KIZ: variants seen among roughly 807,000 people sequenced by gnomAD.
KIZ encodes the protein centrosomal protein kizuna.
KIZ carries 68 observed loss-of-function variants against 79.6 expected under a neutral mutation model. That is an observed-to-expected ratio of 0.85 (90% CI 0.70 to 1.05). KIZ has a LOEUF of 1.05. KIZ is among the 50% of genes least tolerant of loss of function. KIZ has a pLI of 0.00. For missense variants in KIZ, 797 were observed against 800.4 expected, an observed-to-expected ratio of 1.00 and a Z score of 0.05; for synonymous variants, 280 against 281.8, an observed-to-expected ratio of 0.99 and a Z score of 0.06.
chr20:21,214,371 G>C (rs1330570452), intron 7 of KIZ, among the ~76,000 whole-genome samples, 164 bp from the exon 8 acceptor site: 1 of 152,044 alleles, frequency 6.6e-6, no homozygotes, highest in Admixed American at 6.6e-5. Context: ...AAAATAACCA[G>C]GTGTTTTTTT....
At position 21,132,125 on chromosome 20, in the gene KIZ, A is replaced by G; in HGVS notation, c.118A>G (p.Lys40Glu). Residue 40 changes from lysine to glutamate, a missense_variant, in exon 2 of 13, where the codon AAA (lysine) becomes GAA (glutamate). Lys to Glu is a moderately conservative substitution (Grantham distance 56). Coordinates refer to ENST00000619189, the MANE Select transcript of KIZ (RefSeq NM_018474.6). ...AAAGAAGAGATTGGACCTGGAAAAG[A>G]AACTTTATGAATATAATCAGTCTGA... ...SEKKRLDLEKKLYEYNQSDTC... is the reference protein window; with the variant it reads ...SEKKRLDLEKELYEYNQSDTC... 4 of 1,464,290 alleles carry G rather than the reference A, an allele frequency of 2.7e-6. No homozygotes were observed. The highest frequency in any genetic ancestry group is 3.7e-6 in the Non-Finnish European group (4 of 1,072,530). The allele number at this position is 1,464,290 out of a possible 1,614,324, so 90.7% of individuals were successfully genotyped here.
chr20:21,144,350 G>A (rs2032734052), intron 3 of KIZ, among the ~76,000 whole-genome samples: 1 of 152,092 alleles, frequency 6.6e-6, no homozygotes, highest in Non-Finnish European at 1.5e-5. Flanking sequence ...TTCTTTTTGA[G>A]ATACTATCCC....
chr20:21,136,344 C>T (rs981610889), intron 2 of KIZ, 46 bp from the exon 3 acceptor site: 2 of 1,064,230 alleles, frequency 1.9e-6, no homozygotes, highest in African/African-American at 1.6e-5. Context: ...TTCTTAGATT[C>T]GTCCAAGTCT....
chr20:21,240,702 A>G (rs115562690), intron 11 of KIZ, among the ~76,000 whole-genome samples: 1,504 of 101,246 alleles, frequency 0.015, 33 homozygotes, highest in African/African-American at 0.039. Flanking sequence ...CCACTGCCTC[A>G]GTCCATACGG....
chr20:21,207,653 C>T (rs964898609), intron 7 of KIZ, among the ~76,000 whole-genome samples: 4 of 151,920 alleles, frequency 2.6e-5, no homozygotes, highest in East Asian at 3.9e-4. Flanking sequence ...TTTCATGCCC[C>T]TTTTCAAAGA....
chr20:21,161,744 A>T, intron 4 of KIZ, 127 bp from the exon 5 acceptor site: 2 of 623,022 alleles, frequency 3.2e-6, no homozygotes, highest in East Asian at 2.7e-5. Flanking sequence ...GTTTAATAAT[A>T]CATGGTAGGT....
chr20:21,144,903 A>G (rs954012513), intron 3 of KIZ, among the ~76,000 whole-genome samples: 3 of 152,132 alleles, frequency 2.0e-5, no homozygotes, highest in African/African-American at 7.2e-5. Flanking sequence ...GTGCTTTTTT[A>G]TGCCTTGCTT....
At chr20:21,166,745 A>T (rs1471990291) in intron 6 of KIZ, 2 of 605,312 alleles carry the variant, frequency 3.3e-6, no homozygotes, top group Non-Finnish European at 5.8e-6. Flanking sequence ...AGCGTGAGCC[A>T]CCGCACCTGG....
At chr20:21,165,171 T>G (rs1212839404) in intron 6 of KIZ, among the ~76,000 whole-genome samples, 3 of 152,148 alleles carry the variant, frequency 2.0e-5, no homozygotes, top group Non-Finnish European at 2.9e-5. Flanking sequence ...AAAAATCACT[T>G]GAATGAATTT....
chr20:21,130,117 CT>C (rs1426444782), intron 1 of KIZ, among the ~76,000 whole-genome samples: 4 of 152,178 alleles, frequency 2.6e-5, no homozygotes, highest in East Asian at 1.9e-4. Flanking sequence ...TTTTTTCCCC[CT>C]GGTCCAGTGG....
At chr20:21,139,674 T>C (rs1329142936) in intron 3 of KIZ, among the ~76,000 whole-genome samples, 1 of 152,188 alleles carries the variant, frequency 6.6e-6, no homozygotes, top group East Asian at 1.9e-4. Context: ...GGAAGAATCA[T>C]CTTTTGTAAT....
chr20:21,185,999 A>G (rs933960616), intron 6 of KIZ, among the ~76,000 whole-genome samples: 1 of 152,178 alleles, frequency 6.6e-6, no homozygotes, highest in African/African-American at 2.4e-5. Context: ...AGATAATAAA[A>G]TGAATGAGAG....
Position 21,175,436 on chromosome 20 carries a change from A to G in KIZ, c.1352+12277A>G, listed in dbSNP as rs527302706. On this transcript the variant is annotated intron_variant, in intron 6 of 12. Coordinates refer to ENST00000619189, the MANE Select transcript of KIZ (RefSeq NM_018474.6). ...AAGAAGTCTCCATTGGCCAACAGGA[A>G]TGAACCCAGGTCTCCATCCTTTGCC... is the stretch of plus-strand genomic sequence containing the variant. Among the ~76,000 whole-genome samples, 89 of 152,310 alleles carry G rather than the reference A, an allele frequency of 5.8e-4. 2 individuals carry two copies. The highest frequency in any genetic ancestry group is 2.1e-3 in the African/African-American group (88 of 41,564).
intron 9 of KIZ, among the ~76,000 whole-genome samples, chr20:21,223,634 A>C (rs962200401): frequency 6.6e-6 from 1 of 151,938 alleles, no homozygotes; most frequent in African/African-American, 2.4e-5. Flanking sequence ...CAGAATTGCA[A>C]AAGCAGCCAT....
intron 10 of KIZ, 93 bp downstream of exon 10, chr20:21,229,208 G>A: frequency 1.4e-6 from 1 of 715,254 alleles, no homozygotes; most frequent in Non-Finnish European, 2.4e-6. Flanking sequence ...AAGGTTTCTG[G>A]AGTTTGCTCT....
chr20:21,246,432 A>G lies in KIZ; in HGVS notation c.1925-47A>G, dbSNP rs764671021. 23 of 1,211,056 alleles carry G rather than the reference A, an allele frequency of 1.9e-5. No homozygotes were observed. In the East Asian group the frequency reaches 5.1e-4, roughly 27 times the overall value. 75.0% of individuals were successfully genotyped at this position (1,211,056 alleles called of 1,614,324 possible). Reference sequence around the variant, plus strand: ...GTGCTGTGCTGTTTTGTAAGCTCTTAACCAGAATGCAAAAATGTTAAATAA... The same window carrying G: ...GTGCTGTGCTGTTTTGTAAGCTCTTGACCAGAATGCAAAAATGTTAAATAA... On this transcript the variant is annotated intron_variant, in intron 12 of 12. Coordinates refer to ENST00000619189, the MANE Select transcript of KIZ (RefSeq NM_018474.6).
Position 21,162,288 on chromosome 20 carries a change from A to G in KIZ, c.823A>G (p.Asn275Asp). The G allele has an allele frequency of 6.2e-7, 1 of 1,613,922 alleles. No homozygotes were observed. ...TGAAGGCAAAAAGTCTGCTGAACTC[A>G]ATTCCCCGTTACGGGAAAGATTAAG... The part of the protein sequence containing the change: ...LSEGKKSAEL[N>D]SPLRERLSPE... Residue 275 changes from asparagine (N) to aspartate (D), a missense_variant, in exon 5 of 13, where the codon AAT (asparagine) becomes GAT (aspartate). Transcript: ENST00000619189.
At chr20:21,187,745 A>G (rs1486440235) in intron 6 of KIZ, among the ~76,000 whole-genome samples, 1 of 152,186 alleles carries the variant, frequency 6.6e-6, no homozygotes, top group Non-Finnish European at 1.5e-5. Flanking sequence ...AGATAATTCT[A>G]CCTTGACAAC....
chr20:21,231,567 G>A (rs563139682), intron 10 of KIZ, among the ~76,000 whole-genome samples: 1 of 152,238 alleles, frequency 6.6e-6, no homozygotes, highest in Non-Finnish European at 1.5e-5. Flanking sequence ...TCTGGCAGTA[G>A]AATCATGGAA....
Sources: gnomAD v4.1 joint callset for allele counts (sites outside exome capture counted in the v4.1 genomes callset) on GRCh38, gnomAD v4.1.1 for gene constraint, MANE v1.5 for transcripts, NCBI Gene and HGNC (gene_info 2026-07-23, HGNC 2026-07-21) for gene names.